The following OR4F15 variants were observed in gnomAD, a reference collection of about 807,000 sequenced individuals.
OR4F15 encodes olfactory receptor family 4 subfamily F member 15, also known as olfactory receptor 4F15.
In OR4F15, 7 loss-of-function variants were observed where a neutral mutation model predicts 11.9. The observed-to-expected ratio is 0.59, with a 90% CI of 0.33 to 1.10. The LOEUF (loss-of-function observed/expected upper bound fraction) is 1.10, where lower values mean the gene tolerates loss of function less well. Among genes scored for constraint, OR4F15 ranks in the 50% least tolerant of loss-of-function variants. The pLI, the probability that OR4F15 is intolerant of heterozygous loss-of-function variation, is 0.03. For missense variants in OR4F15, 445 were observed against 377.5 expected, an observed-to-expected ratio of 1.18 and a Z score of -1.48; for synonymous variants, 151 against 134.6, an observed-to-expected ratio of 1.12 and a Z score of -0.84.
chr15:101,814,044 C>T (rs568762281), intron 1 of OR4F15, among the ~76,000 whole-genome samples: 6 of 152,162 alleles, frequency 3.9e-5, no homozygotes, highest in Non-Finnish European at 8.8e-5. Flanking sequence ...AGCCATTCAG[C>T]GACCCAAAGA....
At chr15:101,813,462 T>C (rs1462991089) in intron 1 of OR4F15, among the ~76,000 whole-genome samples, 6 of 149,962 alleles carry the variant, frequency 4.0e-5, no homozygotes, top group Non-Finnish European at 7.4e-5. Context: ...TGAACCGAGA[T>C]TGTGCCATGG....
intron 1 of OR4F15, 79 bp from the exon 2 acceptor site, chr15:101,818,071 T>C: frequency 1.4e-6 from 1 of 733,132 alleles, no homozygotes; most frequent in East Asian, 2.5e-5. Flanking sequence ...ATGATAGTTA[T>C]TTTCATGGCT....
chr15:101,814,526 C>T (rs1163235585), intron 1 of OR4F15, among the ~76,000 whole-genome samples: 4 of 152,098 alleles, frequency 2.6e-5, no homozygotes, highest in African/African-American at 9.7e-5. Flanking sequence ...GTTTTTTAAC[C>T]TAAAAGAAAG....
At position 101,818,673 on chromosome 15, in the gene OR4F15, G is replaced by A. The variant is rs749352125; in HGVS notation, c.487G>A (p.Val163Met). The A allele has an allele frequency of 1.3e-5, 21 of 1,613,952 alleles. No individual in the cohort carries two copies. The highest frequency in any genetic ancestry group is 1.6e-5 in the Non-Finnish European group (19 of 1,179,998). Residue 163 changes from valine to methionine, a missense_variant, in exon 2 of 2, where the codon GTG becomes ATG. By Grantham distance (21) the Val-to-Met change is conservative. Transcript: ENST00000332238. The part of the protein sequence containing the change: ...LIHSLVQLVF[V>M]VDLPFCGPNI... ...CCACTCATTGGTCCAATTAGTTTTTGTGGTAGATTTACCTTTTTGTGGTCC... is the reference window on the plus strand; with the variant it reads ...CCACTCATTGGTCCAATTAGTTTTTATGGTAGATTTACCTTTTTGTGGTCC...
intron 1 of OR4F15, among the ~76,000 whole-genome samples, chr15:101,813,402 G>T (rs376985821): frequency 6.6e-6 from 1 of 151,752 alleles, no homozygotes; most frequent in Non-Finnish European, 1.5e-5. Flanking sequence ...CCAGCTACTC[G>T]GGAGGCTGAG....
At chr15:101,817,490 G>A (rs187883314) in intron 1 of OR4F15, among the ~76,000 whole-genome samples, 14 of 152,222 alleles carry the variant, frequency 9.2e-5, no homozygotes, top group African/African-American at 2.9e-4. Context: ...ATACCCAAGA[G>A]TCTACATTTT....
chr15:101,816,254 A>C (rs1485387940), intron 1 of OR4F15, among the ~76,000 whole-genome samples: 1 of 152,164 alleles, frequency 6.6e-6, no homozygotes, highest in Non-Finnish European at 1.5e-5. Flanking sequence ...ATGCGATGAC[A>C]GAAGTTGAGG....
At chr15:101,816,488 G>A (rs1020434762) in intron 1 of OR4F15, among the ~76,000 whole-genome samples, 12 of 115,698 alleles carry the variant, frequency 1.0e-4, no homozygotes, top group African/African-American at 2.1e-4. Flanking sequence ...AGAATATAAC[G>A]TGTGTGTGTG....
In OR4F15 at chr15:101,818,206, C is replaced by T. The variant is rs1345000697; in HGVS notation, c.20C>T (p.Ser7Phe). Residue 7 changes from serine to phenylalanine, a missense_variant, in exon 2 of 2, where the codon TCT becomes TTT. Physicochemically the swap from Ser to Phe is radical, Grantham distance 155 (BLOSUM62 -2). Transcript: ENST00000332238. Reference sequence around the variant, plus strand: ...GAGGCAATGAATGGAATGAATCACTCTGTGGTATCAGAATTTGTATTCATG... The same window carrying T: ...GAGGCAATGAATGGAATGAATCACTTTGTGGTATCAGAATTTGTATTCATG... MNGMNH[S>F]VVSEFVFMGL... 9 of 1,610,076 alleles carry T rather than the reference C, an allele frequency of 5.6e-6. No homozygotes were observed. The highest frequency in any genetic ancestry group is 1.1e-5 in the South Asian group (1 of 90,562).
intron 1 of OR4F15, among the ~76,000 whole-genome samples, chr15:101,815,784 A>G (rs1902978489): frequency 6.6e-6 from 1 of 152,180 alleles, no homozygotes; most frequent in Non-Finnish European, 1.5e-5. Context: ...TCATTCGGAG[A>G]ACCACTCAGG....
At position 101,819,090 on chromosome 15, in the gene OR4F15, T is replaced by A; in HGVS notation, c.904T>A (p.Cys302Ser). The part of the protein sequence containing the change: ...KDMKVAMRRL[C>S]SRLAHFTKIL The stretch of plus-strand genomic sequence containing the variant: ...CATGAAAGTGGCAATGAGGAGACTG[T>A]GCAGTCGTCTTGCGCATTTTACAAA... The change falls in exon 2 of 2, where the codon TGC becomes AGC. Residue 302 changes from cysteine (C) to serine (S), a missense_variant. Coordinates refer to ENST00000332238, the MANE Select transcript of OR4F15 (RefSeq NM_001001674.2). 6.2e-6 allele frequency: 10 copies of A among 1,612,480 alleles called. No homozygotes were observed. The highest frequency in any genetic ancestry group is 8.5e-6 in the Non-Finnish European group (10 of 1,178,952).
rs1052718147 is a variant in OR4F15 at position 101,819,346 on chromosome 15, C to G, written c.*221C>G. The G allele has an allele frequency of 6.2e-6, 3 of 485,826 alleles. No homozygotes were observed. Among genetic ancestry groups the G allele is most frequent in the South Asian group, 7.1e-5 (2 of 28,156 alleles). The allele number at this position is 485,826 out of a possible 1,614,324, so 30.1% of individuals were successfully genotyped here. Reference sequence around the variant, plus strand: ...TATTAAATCTTAATGTCTTTTGTAACCTACCACTTTGAAAGACCTTGTTCT... The same window carrying G: ...TATTAAATCTTAATGTCTTTTGTAAGCTACCACTTTGAAAGACCTTGTTCT... On this transcript the variant is annotated 3_prime_UTR_variant, in exon 2 of 2. Transcript: ENST00000332238.
chr15:101,817,280 G>A (rs1314760240), intron 1 of OR4F15, among the ~76,000 whole-genome samples: 3 of 152,140 alleles, frequency 2.0e-5, no homozygotes, highest in Non-Finnish European at 4.4e-5. Context: ...TTCCTGACTG[G>A]CATGCTGTTA....
intron 1 of OR4F15, 116 bp from the exon 2 acceptor site, chr15:101,818,034 G>A: frequency 1.6e-6 from 1 of 622,398 alleles, no homozygotes; most frequent in South Asian, 2.0e-5. Flanking sequence ...ATGTGATGAG[G>A]GTTATTTGGC....
rs7180273 is a variant in OR4F15, at chr15:101,819,617, T to C, written c.*492T>C. 0.34 allele frequency: 51,908 copies of C among 152,650 alleles called. 9,351 individuals are homozygous for C. The highest frequency in any genetic ancestry group is 0.42 in the African/African-American group (17,462 of 41,396). The allele number at this position is 152,650 out of a possible 1,614,324, so 9.5% of individuals were successfully genotyped here. On this transcript the variant is annotated 3_prime_UTR_variant, in exon 2 of 2. Transcript: ENST00000332238. ...TGCCTCTCCGGTTCAAGGGTTCGAG[T>C]AATTCTCCTGCCTCAGCCTCCTGAG...
chr15:101,812,230 AG>A lies in OR4F15; in HGVS notation c.-79del, dbSNP rs1330917968. 1 of 152,204 alleles carries A rather than the reference AG, an allele frequency of 6.6e-6. No homozygotes were observed. The highest frequency in any genetic ancestry group is 1.5e-5 in the Non-Finnish European group (1 of 68,048). 9.4% of individuals were successfully genotyped at this position (152,204 alleles called of 1,614,324 possible). A position where few individuals can be genotyped will look rare whatever the true frequency, so the allele number is the denominator to read the frequency against. On this transcript the variant is annotated 5_prime_UTR_variant, in exon 1 of 2. An upstream open reading frame in the 5' UTR loses its in-frame stop. Transcript: ENST00000332238. ...AGGATGGCATGAAGTTCACAATGGGAGCATGATAAACTAGATAAACTTCAGC... is the reference window on the plus strand; with the variant it reads ...AGGATGGCATGAAGTTCACAATGGGACATGATAAACTAGATAAACTTCAGC...
chr15:101,818,841 A>G lies in OR4F15; in HGVS notation c.655A>G (p.Ile219Val). The change falls in exon 2 of 2, where the codon ATC (isoleucine) becomes GTC (valine). Residue 219 changes from isoleucine to valine, a missense_variant. Coordinates refer to ENST00000332238, the MANE Select transcript of OR4F15 (RefSeq NM_001001674.2). The part of the protein sequence containing the change: ...GSFVLLVISY[I>V]FILFTVWKHS... Reference sequence around the variant, plus strand: ...CTTTGTCTTGCTGGTAATTTCCTACATCTTCATTCTGTTCACTGTTTGGAA... The same window carrying G: ...CTTTGTCTTGCTGGTAATTTCCTACGTCTTCATTCTGTTCACTGTTTGGAA... The G allele has an allele frequency of 1.2e-6, 2 of 1,613,956 alleles. No individual in the cohort carries two copies. The highest frequency in any genetic ancestry group is 1.7e-6 in the Non-Finnish European group (2 of 1,179,972).
At chr15:101,817,370 C>T (rs370690432) in intron 1 of OR4F15, among the ~76,000 whole-genome samples, 7 of 152,252 alleles carry the variant, frequency 4.6e-5, no homozygotes, top group Admixed American at 2.0e-4. Flanking sequence ...CATTAATTTA[C>T]GCCTTCATTC....
At chr15:101,815,665 T>C (rs1425182486) in intron 1 of OR4F15, among the ~76,000 whole-genome samples, 1 of 152,130 alleles carries the variant, frequency 6.6e-6, no homozygotes, top group African/African-American at 2.4e-5. Context: ...CTGTGGTGAA[T>C]ATGGATTCCA....
Sources: allele counts gnomAD v4.1 joint callset (sites outside exome capture counted in the v4.1 genomes callset), GRCh38; gene constraint gnomAD v4.1.1; transcripts MANE v1.5; gene names NCBI Gene and HGNC (gene_info 2026-07-23, HGNC 2026-07-21).